PLEKHF2: variants seen among roughly 807,000 people sequenced by gnomAD.
The protein encoded by PLEKHF2 is pleckstrin homology domain-containing family F member 2.
PLEKHF2 carries 4 observed loss-of-function variants against 14.7 expected under a neutral mutation model. The ratio of observed to expected loss-of-function variants is 0.27; its 90% confidence interval spans 0.13 to 0.62. PLEKHF2 has a LOEUF of 0.62. Ranked by LOEUF, PLEKHF2 falls within the 20% of genes least tolerant of loss-of-function variation. The probability of loss-of-function intolerance (pLI) is 0.85; values close to 1 mark genes in which losing one functional copy is unlikely to be tolerated. For missense variants in PLEKHF2, 201 were observed against 307.7 expected, an observed-to-expected ratio of 0.65 and a Z score of 2.60; for synonymous variants, 90 against 103.5, an observed-to-expected ratio of 0.87 and a Z score of 0.79.
At position 95,154,283 on chromosome 8, in the gene PLEKHF2, T is replaced by C. The variant is rs1810590607; in HGVS notation, c.239T>C (p.Ile80Thr). ...AAAAAATATAACAAACAACATATTA[T>C]TCCCCTGGAAAATGTCACTATTGAT... ...QKKKYNKQHI[I>T]PLENVTIDSI... The change falls in exon 2 of 2, where the codon ATT becomes ACT. Residue 80 changes from isoleucine to threonine, a missense_variant. Ile to Thr is a moderately conservative substitution (Grantham distance 89). Transcript: ENST00000315367. The surrounding 1 kb of genome is among the most constrained non-coding windows in gnomAD (Gnocchi z 5.6). 6.2e-7 allele frequency: 1 copy of C among 1,613,866 alleles called. No homozygotes were observed. The highest frequency in any genetic ancestry group is 1.3e-5 in the African/African-American group (1 of 74,898).
intron 1 of PLEKHF2, among the ~76,000 whole-genome samples, chr8:95,142,815 C>T (rs369148388): frequency 6.6e-6 from 1 of 152,138 alleles, no homozygotes; most frequent in African/African-American, 2.4e-5. Flanking sequence ...TTTTTAATTA[C>T]ATACTGTACT....
At chr8:95,138,599 G>A (rs1180626758) in intron 1 of PLEKHF2, among the ~76,000 whole-genome samples, 1 of 151,992 alleles carries the variant, frequency 6.6e-6, no homozygotes, top group African/African-American at 2.4e-5. Flanking sequence ...ATAATTAGGC[G>A]TATCAAAATA....
rs913212077 is a variant in PLEKHF2, at chr8:95,154,182, C to T, written c.138C>T (p.Cys46=). 5.6e-6 allele frequency: 9 copies of T among 1,613,856 alleles called. No homozygotes were observed. The highest frequency in any genetic ancestry group is 7.6e-6 in the Non-Finnish European group (9 of 1,179,942). The stretch of plus-strand genomic sequence containing the variant: ...GAGAAGGAGTATTGACTAAGTTGTG[C>T]AGGAAAAAGCCCAAAGCAAGGCAGT... ...LIGEGVLTKL[C]RKKPKARQFF... is the part of the protein sequence containing the mutation. The change falls in exon 2 of 2, where the codon TGC becomes TGT. Residue 46 remains cysteine, a synonymous_variant. Coordinates refer to ENST00000315367, the MANE Select transcript of PLEKHF2 (RefSeq NM_024613.4). This position sits in a 1 kb window ranked among gnomAD's most constrained non-coding sequence, Gnocchi z 5.6.
intron 1 of PLEKHF2, among the ~76,000 whole-genome samples, chr8:95,151,537 A>G (rs1478656923): frequency 6.6e-6 from 1 of 150,888 alleles, no homozygotes; most frequent in Non-Finnish European, 1.5e-5. Context: ...AATAGCTCTC[A>G]GTTTCTTTTA....
rs184120712 is a variant in PLEKHF2, at chr8:95,151,950, T to A, written c.-14-2081T>A. On this transcript the variant is annotated intron_variant, in intron 1 of 1. Coordinates refer to ENST00000315367, the MANE Select transcript of PLEKHF2 (RefSeq NM_024613.4). ...TATGCTTTTGAAATATGTATTCCAT[T>A]GAGTCTAAAGATAAACATTTTTTAC... Among the ~76,000 whole-genome samples, 118 of 152,260 alleles carry A rather than the reference T, an allele frequency of 7.7e-4. 1 individual carries two copies. The highest frequency in any genetic ancestry group is 2.2e-4 in the Non-Finnish European group (15 of 67,970).
chr8:95,139,025 T>C (rs1028511258), intron 1 of PLEKHF2, among the ~76,000 whole-genome samples: 2 of 152,208 alleles, frequency 1.3e-5, no homozygotes, highest in Non-Finnish European at 1.5e-5. Context: ...AATATAAGGG[T>C]CCATTTTTAC....
intron 1 of PLEKHF2, among the ~76,000 whole-genome samples, chr8:95,139,195 A>C (rs1452626134): frequency 6.6e-6 from 1 of 152,134 alleles, no homozygotes; most frequent in Non-Finnish European, 1.5e-5. Context: ...GTGGATTTAC[A>C]GGAGCCCTTT....
intron 1 of PLEKHF2, among the ~76,000 whole-genome samples, chr8:95,151,321 G>A (rs1810560891): frequency 6.6e-6 from 1 of 151,958 alleles, no homozygotes; most frequent in African/African-American, 2.4e-5. Flanking sequence ...CAAATGGGTG[G>A]ACTCAGTAGT....
intron 1 of PLEKHF2, among the ~76,000 whole-genome samples, chr8:95,138,360 C>CCT (rs1810402042): frequency 1.2e-5 from 1 of 81,110 alleles, no homozygotes; most frequent in African/African-American, 5.4e-5. Context: ...TCTTCCCCCC[C>CCT]CCCCCGCCCC....
intron 1 of PLEKHF2, among the ~76,000 whole-genome samples, chr8:95,146,546 A>G (rs1409428034): frequency 7.4e-5 from 11 of 148,780 alleles, no homozygotes; most frequent in Admixed American, 4.0e-4. Context: ...TTTATCTTCT[A>G]GTATTACATT....
At chr8:95,145,056 G>C (rs1810481660) in intron 1 of PLEKHF2, among the ~76,000 whole-genome samples, 1 of 151,958 alleles carries the variant, frequency 6.6e-6, no homozygotes, top group Non-Finnish European at 1.5e-5. Context: ...CTGGGTAAAT[G>C]TTAACTTCCT....
At chr8:95,149,892 G>A (rs1334790896) in intron 1 of PLEKHF2, among the ~76,000 whole-genome samples, 4 of 152,148 alleles carry the variant, frequency 2.6e-5, no homozygotes, top group Admixed American at 2.6e-4. Flanking sequence ...GCTAGGCCCT[G>A]TAATCTTGTG....
chr8:95,151,102 T>TTA (rs1810557292), intron 1 of PLEKHF2, among the ~76,000 whole-genome samples: 1 of 152,182 alleles, frequency 6.6e-6, no homozygotes, highest in East Asian at 1.9e-4. Context: ...GTGCCTTAAT[T>TTA]TCTTCATCAG....
intron 1 of PLEKHF2, among the ~76,000 whole-genome samples, chr8:95,143,949 C>T (rs1810464378): frequency 6.6e-6 from 1 of 152,042 alleles, no homozygotes; most frequent in Non-Finnish European, 1.5e-5. Flanking sequence ...TGCATGTAGC[C>T]CAGGACAGCT....
chr8:95,153,486 A>C (rs1263117339), intron 1 of PLEKHF2, among the ~76,000 whole-genome samples: 3 of 152,142 alleles, frequency 2.0e-5, no homozygotes, highest in Non-Finnish European at 4.4e-5. Context: ...GATGGGGTCA[A>C]ATTAGGGTTT....
At position 95,154,770 on chromosome 8, in the gene PLEKHF2, T is replaced by G; in HGVS notation, c.726T>G (p.Asp242Glu). The G allele has an allele frequency of 6.2e-7, 1 of 1,614,040 alleles. No individual in the cohort carries two copies. The highest frequency in any genetic ancestry group is 8.5e-7 in the Non-Finnish European group (1 of 1,179,922). The change falls in exon 2 of 2, where the codon GAT (aspartate) becomes GAG (glutamate). Residue 242 changes from aspartate to glutamate, a missense_variant. Asp to Glu is a conservative substitution (Grantham distance 45, BLOSUM62 2). Transcript: ENST00000315367. This position sits in a 1 kb window ranked among gnomAD's most constrained non-coding sequence, Gnocchi z 5.6. The stretch of plus-strand genomic sequence containing the variant: ...CTTTAAATGATATGTCTGATGATGA[T>G]GACGATGATGATAGCAGTGACTAAG... The part of the protein sequence containing the change: ...KSPLNDMSDD[D>E]DDDDSSD
At position 95,155,012 on chromosome 8, in the gene PLEKHF2, C is replaced by G. The variant is rs1266022475; in HGVS notation, c.*218C>G. 1 of 505,018 alleles carries G rather than the reference C, an allele frequency of 2.0e-6. No homozygotes were observed. Among genetic ancestry groups the G allele is most frequent in the Non-Finnish European group, 3.5e-6 (1 of 285,020 alleles). The allele number at this position is 505,018 out of a possible 1,614,324, so 31.3% of individuals were successfully genotyped here. On this transcript the variant is annotated 3_prime_UTR_variant, in exon 2 of 2. Transcript: ENST00000315367. ...CAGGGATAGGCTTTTGCAAATATAT[C>G]AGATAAATTTTTTGTTTCTTGTTTA...
chr8:95,144,988 C>A (rs1045204145), intron 1 of PLEKHF2, among the ~76,000 whole-genome samples: 1 of 151,228 alleles, frequency 6.6e-6, no homozygotes, highest in African/African-American at 2.4e-5. Flanking sequence ...TTAACAAAAT[C>A]GAGATTATTA....
At chr8:95,146,090 T>G (rs1810497321) in intron 1 of PLEKHF2, among the ~76,000 whole-genome samples, 1 of 152,190 alleles carries the variant, frequency 6.6e-6, no homozygotes, top group Non-Finnish European at 1.5e-5. Context: ...GTCATAAATT[T>G]GATTAAAAAT....
Sources: allele counts gnomAD v4.1 joint callset (sites outside exome capture counted in the v4.1 genomes callset), GRCh38; gene constraint gnomAD v4.1.1; non-coding constraint Gnocchi (gnomAD v3.1); transcripts MANE v1.5; gene names NCBI Gene and HGNC (gene_info 2026-07-23, HGNC 2026-07-21).